UNC13B: variants seen among roughly 807,000 people sequenced by gnomAD.
UNC13B encodes protein unc-13 homolog B.
Under a neutral mutation model 211.0 loss-of-function variants are expected in UNC13B, and 144 were observed. That is an observed-to-expected ratio of 0.68 (90% CI 0.60 to 0.78). The LOEUF (loss-of-function observed/expected upper bound fraction) is 0.78, where lower values mean the gene tolerates loss of function less well. Ranked by LOEUF, UNC13B falls within the 30% of genes least tolerant of loss-of-function variation. UNC13B has a pLI of 0.00. For missense variants in UNC13B, 1,777 were observed against 2,002.0 expected, an observed-to-expected ratio of 0.89 and a Z score of 2.14; for synonymous variants, 709 against 725.8, an observed-to-expected ratio of 0.98 and a Z score of 0.37.
chr9:35,261,748 G>A (rs548961889), intron 7 of UNC13B, among the ~76,000 whole-genome samples: 4 of 151,296 alleles, frequency 2.6e-5, no homozygotes, highest in Admixed American at 6.6e-5. Context: ...CGCATTAACC[G>A]TCCCTAATCT....
intron 7 of UNC13B, among the ~76,000 whole-genome samples, chr9:35,261,064 T>G (rs1391280238): frequency 6.6e-6 from 1 of 152,182 alleles, no homozygotes; most frequent in Admixed American, 6.5e-5. Context: ...GCCTGCTCCC[T>G]CGTATATTTT....
At chr9:35,345,215 T>G (rs1208427473) in intron 11 of UNC13B, among the ~76,000 whole-genome samples, 1 of 152,184 alleles carries the variant, frequency 6.6e-6, no homozygotes, top group East Asian at 1.9e-4. Flanking sequence ...TTTTGACACT[T>G]GTTAAAGATG....
At chr9:35,194,342 A>C (rs1822824988) in intron 1 of UNC13B, among the ~76,000 whole-genome samples, 1 of 152,208 alleles carries the variant, frequency 6.6e-6, no homozygotes, top group Admixed American at 6.5e-5. Flanking sequence ...AAAGTTGGAG[A>C]TCCTGTTGCC....
At chr9:35,330,142 T>C (rs1831286381) in intron 11 of UNC13B, among the ~76,000 whole-genome samples, 1 of 152,230 alleles carries the variant, frequency 6.6e-6, no homozygotes, top group African/African-American at 2.4e-5. Context: ...AGTTATAAAA[T>C]TAGGGATAGC....
chr9:35,300,326 A>G lies in UNC13B; in HGVS notation c.922A>G (p.Thr308Ala). ...SNTENCTLCHTEKKQNMGYPV... is the reference protein window; with the variant it reads ...SNTENCTLCHAEKKQNMGYPV... ...TACTGAAAATTGTACCCTTTGCCAT[A>G]CTGAAAAGAAACAAAATATGGGGTA... The change falls in exon 9 of 40, where the codon ACT (threonine) becomes GCT (alanine). Residue 308 changes from threonine to alanine, a missense_variant. By Grantham distance (58) the Thr-to-Ala change is moderately conservative. Transcript: ENST00000635942. 2 of 398,972 alleles carry G rather than the reference A, an allele frequency of 5.0e-6. No homozygotes were observed. The highest frequency in any genetic ancestry group is 8.8e-6 in the Non-Finnish European group (2 of 226,042). 24.7% of individuals were successfully genotyped at this position (398,972 alleles called of 1,614,324 possible).
At chr9:35,348,164 G>A (rs527311364) in intron 11 of UNC13B, among the ~76,000 whole-genome samples, 1 of 152,320 alleles carries the variant, frequency 6.6e-6, no homozygotes, top group South Asian at 2.1e-4. Flanking sequence ...CCCCAGGTTA[G>A]CCTGGTCTAC....
chr9:35,342,537 G>A (rs916276267), intron 11 of UNC13B, among the ~76,000 whole-genome samples: 1 of 152,164 alleles, frequency 6.6e-6, no homozygotes, highest in African/African-American at 2.4e-5. Flanking sequence ...GCATGTATTT[G>A]TGTGCTGATA....
At chr9:35,238,938 G>A (rs914642404) in intron 5 of UNC13B, among the ~76,000 whole-genome samples, 2 of 146,842 alleles carry the variant, frequency 1.4e-5, no homozygotes, top group African/African-American at 2.5e-5. Flanking sequence ...GTTATATACC[G>A]CAAACTAATA....
intron 1 of UNC13B, among the ~76,000 whole-genome samples, chr9:35,169,479 T>A (rs573581502): frequency 6.6e-6 from 1 of 152,228 alleles, no homozygotes; most frequent in Non-Finnish European, 1.5e-5. Flanking sequence ...GGTAATGATA[T>A]TAGAGTTTTC....
chr9:35,328,621 TTCCTTCCTTC>T (rs1831158970), intron 11 of UNC13B, among the ~76,000 whole-genome samples: 2 of 113,672 alleles, frequency 1.8e-5, no homozygotes, highest in East Asian at 2.9e-4. Flanking sequence ...CCTTCCTTCC[TTCCTTCCTTC>T]CTTCCTTCCT....
At chr9:35,192,624 G>A (rs1587338976) in intron 1 of UNC13B, among the ~76,000 whole-genome samples, 1 of 152,310 alleles carries the variant, frequency 6.6e-6, no homozygotes, top group East Asian at 1.9e-4. Context: ...TGTTCCCCTG[G>A]AAGTTACTTC....
chr9:35,403,858 G>A lies in UNC13B; in HGVS notation c.12848G>A (p.Arg4283Lys), dbSNP rs1183277280. ...RVLGLAVMPL[R>K]DVTAKGSCAC... ...CTAGGGCTGGCTGTGATGCCTCTGA[G>A]GGATGTCACAGCCAAGGGCAGCTGT... is the stretch of plus-strand genomic sequence containing the variant. Residue 4283 changes from arginine (R) to lysine (K), a missense_variant, in exon 40 of 40, where the codon AGG becomes AAG. Arg to Lys is a conservative substitution (Grantham distance 26). Transcript: ENST00000635942. 2 of 1,614,066 alleles carry A rather than the reference G, an allele frequency of 1.2e-6. No homozygotes were observed. The highest frequency in any genetic ancestry group is 2.7e-5 in the African/African-American group (2 of 74,910).
intron 11 of UNC13B, among the ~76,000 whole-genome samples, chr9:35,319,185 T>A (rs1185635849): frequency 6.6e-6 from 1 of 152,034 alleles, no homozygotes; most frequent in East Asian, 1.9e-4. Context: ...ATGCCTGTAA[T>A]CCCAGCAGGA....
chr9:35,364,635 ATGTG>A lies in UNC13B; in HGVS notation c.9415-2304_9415-2301del. The A allele has an allele frequency of 2.0e-6, 3 of 1,481,398 alleles. No individual in the cohort carries two copies. The East Asian group carries it at 7.4e-5, about 37-fold the overall frequency. 91.8% of individuals were successfully genotyped at this position (1,481,398 alleles called of 1,614,324 possible). ...CCCTCCCCTCCTTCCCAAGCACTGT[ATGTG>A]TGTGTGTATGTGTGTGTGTGTGTGT... On this transcript the variant is annotated intron_variant, in intron 11 of 39. Transcript: ENST00000635942.
At chr9:35,361,597 A>G (rs1247388586) in intron 11 of UNC13B, 2 of 152,240 alleles carry the variant, frequency 1.3e-5, no homozygotes, top group Admixed American at 1.3e-4. Context: ...AGGTGAAATA[A>G]TATATAATCC....
chr9:35,291,559 T>A (rs1027605173), intron 7 of UNC13B, among the ~76,000 whole-genome samples: 3 of 152,194 alleles, frequency 2.0e-5, no homozygotes, highest in African/African-American at 7.2e-5. Flanking sequence ...CTGTCTTGGG[T>A]TTATTGGTCT....
chr9:35,287,196 G>A (rs1587544600), intron 7 of UNC13B, among the ~76,000 whole-genome samples: 1 of 149,062 alleles, frequency 6.7e-6, no homozygotes, highest in East Asian at 2.0e-4. Context: ...GCATTGGCAT[G>A]ATCACGGCTC....
chr9:35,247,302 G>A (rs1387094287), intron 6 of UNC13B, among the ~76,000 whole-genome samples: 2 of 152,192 alleles, frequency 1.3e-5, no homozygotes, highest in Non-Finnish European at 2.9e-5. Context: ...TCTGCAAACA[G>A]GGACAATTTG....
chr9:35,403,677 G>T (rs1836491110), intron 39 of UNC13B, 71 bp from the exon 40 acceptor site: 1 of 1,571,006 alleles, frequency 6.4e-7, no homozygotes, highest in Non-Finnish European at 8.7e-7. Context: ...GGGCCCGGGG[G>T]GATGGCAGAC....
Sources: gnomAD v4.1 joint callset for allele counts (sites outside exome capture counted in the v4.1 genomes callset) on GRCh38, gnomAD v4.1.1 for gene constraint, MANE v1.5 for transcripts, NCBI Gene and HGNC (gene_info 2026-07-23, HGNC 2026-07-21) for gene names.